KLHL13: variants seen among roughly 807,000 people sequenced by gnomAD.
KLHL13 encodes kelch like family member 13.
KLHL13 carries 10 observed loss-of-function variants against 37.1 expected under a neutral mutation model. The observed-to-expected ratio is 0.27, with a 90% confidence interval of 0.17 to 0.46. The LOEUF (loss-of-function observed/expected upper bound fraction) is 0.46, where lower values mean the gene tolerates loss of function less well. Among genes scored for constraint, KLHL13 ranks in the 20% least tolerant of loss-of-function variants. KLHL13 has a pLI of 1.00. For missense variants in KLHL13, 360 were observed against 509.3 expected (o/e 0.71, Z 2.82); for synonymous variants, 163 against 181.2 (o/e 0.90, Z 0.81).
At position 117,945,418 on chromosome X, in the gene KLHL13, A is replaced by G. The variant is rs372421671; in HGVS notation, c.240+16T>C. 2 of 1,201,844 alleles carry G rather than the reference A, an allele frequency of 1.7e-6. No homozygotes were observed. Among genetic ancestry groups the G allele is most frequent in the African/African-American group, 3.5e-5 (2 of 56,763 alleles). ...TAAAGCTACGTAAACACTACCAAAGAGACAGCTTAAATTACCTGTAACACC... is the reference window on the plus strand; with the variant it reads ...TAAAGCTACGTAAACACTACCAAAGGGACAGCTTAAATTACCTGTAACACC... On this transcript the variant is annotated intron_variant, in intron 2 of 6. Transcript: ENST00000262820.
upstream of KLHL13, chrX:118,116,868 G>A (rs1254149129): frequency 1.1e-4 from 10 of 93,293 alleles, no homozygotes; most frequent in East Asian, 3.4e-3. Flanking sequence ...GGGGCAGTGG[G>A]GGGGGGAGCG....
Position 118,035,960 on chromosome X carries a change from G to A in KLHL13, c.-56+80548C>T, listed in dbSNP as rs774297679. On this transcript the variant is annotated intron_variant, in intron 1 of 6. Coordinates refer to the KLHL13 transcript ENST00000371882. Reference sequence around the variant, plus strand: ...CTTATACACCAACAACAGACAAACAGAGAGCCAAATCATGAGTGAACTCCC... The same window carrying A: ...CTTATACACCAACAACAGACAAACAAAGAGCCAAATCATGAGTGAACTCCC... Among the ~76,000 whole-genome samples the A allele has an allele frequency of 7.0e-5, 7 of 100,449 alleles. No homozygotes were observed. The East Asian group carries it at 1.7e-3, about 25-fold the overall frequency. 87.2% of individuals were successfully genotyped at this position (100,449 alleles called of 115,157 possible).
chrX:118,019,091 T>A lies in KLHL13; in HGVS notation c.-55-73516A>T, dbSNP rs150206962. On this transcript the variant is annotated intron_variant, in intron 1 of 6. Transcript: ENST00000371882. Reference sequence around the variant, plus strand: ...TCTAAAATCTACTTCCTTGGAAAATTTTCAGAATAGAATATATCATTATTA... The same window carrying A: ...TCTAAAATCTACTTCCTTGGAAAATATTCAGAATAGAATATATCATTATTA... 8.4e-3 allele frequency among the ~76,000 whole-genome samples: 934 copies of A among 110,826 alleles called. 16 individuals are homozygous for A. The highest frequency in any genetic ancestry group is 0.028 in the African/African-American group (861 of 30,644).
chrX:118,075,665 G>A (rs183589767), intron 1 of KLHL13, among the ~76,000 whole-genome samples: 1 of 111,529 alleles, frequency 9.0e-6, no homozygotes, highest in Non-Finnish European at 1.9e-5. Context: ...TGGAATAAAA[G>A]AGGAAGGGGG....
chrX:118,090,045 C>T (rs865861967), intron 1 of KLHL13, among the ~76,000 whole-genome samples: 7 of 98,510 alleles, frequency 7.1e-5, no homozygotes, highest in Middle Eastern at 5.3e-3. Context: ...CATGCCACTT[C>T]ACTCCAGCCT....
Position 118,031,016 on chromosome X carries a change from T to C in KLHL13, c.-55-85441A>G, listed in dbSNP as rs1024526776. Among the ~76,000 whole-genome samples, 22 of 111,379 alleles carry C rather than the reference T, an allele frequency of 2.0e-4. 1 individual carries two copies. Among genetic ancestry groups the C allele is most frequent in the African/African-American group, 6.5e-4 (20 of 30,694 alleles). ...TCAGATTCTCCAGAAAATAAACTAT[T>C]TGGTCTCCTGAGGAGCAGGGAGTAG... On this transcript the variant is annotated intron_variant, in intron 1 of 6. Transcript: ENST00000371882.
intron 1 of KLHL13, among the ~76,000 whole-genome samples, chrX:118,040,792 GA>G (rs1382965989): frequency 3.6e-5 from 4 of 111,809 alleles, no homozygotes; most frequent in Non-Finnish European, 7.5e-5. Context: ...CAAGGACAAA[GA>G]AAGGATCCTA....
chrX:117,955,565 A>G (rs889188610), intron 1 of KLHL13, among the ~76,000 whole-genome samples: 2 of 111,634 alleles, frequency 1.8e-5, no homozygotes, highest in Non-Finnish European at 3.8e-5. Context: ...CGTTTTCAAT[A>G]TGACAGCCAG....
At chrX:117,957,522 T>G (rs1484480163) in intron 1 of KLHL13, among the ~76,000 whole-genome samples, 2 of 112,455 alleles carry the variant, frequency 1.8e-5, no homozygotes, top group Non-Finnish European at 1.9e-5. Flanking sequence ...TATTCACAGC[T>G]ATGCATTTTT....
chrX:118,057,694 C>T (rs370367378), intron 1 of KLHL13, among the ~76,000 whole-genome samples: 10 of 110,166 alleles, frequency 9.1e-5, no homozygotes, highest in Admixed American at 1.9e-4. Context: ...GGTGTGGTGG[C>T]GGACACCTGT....
chrX:118,044,574 A>G (rs1181930961), intron 1 of KLHL13, among the ~76,000 whole-genome samples: 1 of 111,857 alleles, frequency 8.9e-6, no homozygotes, highest in Admixed American at 9.5e-5. Context: ...GAACCCAGAA[A>G]TAAATCCATA....
chrX:117,958,531 C>A (rs960398354), intron 1 of KLHL13, among the ~76,000 whole-genome samples: 8 of 109,751 alleles, frequency 7.3e-5, no homozygotes, highest in Non-Finnish European at 1.5e-4. Context: ...GTGAAGTGAT[C>A]TGCACAGAGG....
intron 1 of KLHL13, among the ~76,000 whole-genome samples, chrX:118,072,489 T>C (rs1326170579): frequency 2.7e-5 from 3 of 111,462 alleles, no homozygotes; most frequent in Non-Finnish European, 5.7e-5. Context: ...TGGGATCTAA[T>C]TCAACTAAAG....
chrX:118,097,283 T>C (rs964125659), intron 1 of KLHL13, among the ~76,000 whole-genome samples: 1 of 109,479 alleles, frequency 9.1e-6, no homozygotes, highest in African/African-American at 3.5e-5. Flanking sequence ...TATACACCTA[T>C]AACAGACAAA....
chrX:117,968,958 G>C (rs2053480224), intron 1 of KLHL13, among the ~76,000 whole-genome samples: 1 of 111,531 alleles, frequency 9.0e-6, no homozygotes. Context: ...AGACATTACA[G>C]AGGCAATTGC....
chrX:117,918,984 C>A (rs1931534010), intron 4 of KLHL13, among the ~76,000 whole-genome samples: 1 of 111,861 alleles, frequency 8.9e-6, no homozygotes, highest in Non-Finnish European at 1.9e-5. Context: ...ATATCTTCAT[C>A]AAACATTATT....
At chrX:117,999,970 A>T (rs934883119) in intron 1 of KLHL13, among the ~76,000 whole-genome samples, 1 of 111,902 alleles carries the variant, frequency 8.9e-6, no homozygotes, top group African/African-American at 3.2e-5. Flanking sequence ...TTCATACTAC[A>T]TAACTTCTTC....
intron 1 of KLHL13, among the ~76,000 whole-genome samples, chrX:117,996,171 A>T (rs930801236): frequency 4.4e-5 from 5 of 112,360 alleles, no homozygotes; most frequent in African/African-American, 1.6e-4. Context: ...TACACATCTG[A>T]CATACAAGGA....
chrX:118,007,188 C>T (rs774831024), intron 1 of KLHL13, among the ~76,000 whole-genome samples: 1 of 109,425 alleles, frequency 9.1e-6, no homozygotes, highest in Non-Finnish European at 1.9e-5. Context: ...GTGGGAGGAT[C>T]GCTTGTGGGC....
Sources: gnomAD v4.1 joint callset for allele counts (sites outside exome capture counted in the v4.1 genomes callset) on GRCh38, gnomAD v4.1.1 for gene constraint, MANE v1.5 for transcripts, NCBI Gene and HGNC (gene_info 2026-07-23, HGNC 2026-07-21) for gene names.